The following FBLN5 variants were observed in gnomAD, a reference collection of about 807,000 sequenced individuals.
FBLN5 encodes the protein fibulin 5, also known as fibulin-5.
A neutral mutation model predicts 61.6 loss-of-function variants in FBLN5; 24 were observed. The observed-to-expected ratio is 0.39, with a 90% confidence interval of 0.28 to 0.55. FBLN5 has a LOEUF of 0.55. Among genes scored for constraint, FBLN5 ranks in the 20% least tolerant of loss-of-function variants. The probability of loss-of-function intolerance (pLI) is 0.65; values close to 1 mark genes in which losing one functional copy is unlikely to be tolerated. For missense variants in FBLN5, 470 were observed against 594.1 expected (o/e 0.79, Z 2.17); for synonymous variants, 213 against 219.8 (o/e 0.97, Z 0.27).
intron 3 of FBLN5, 76 bp from the exon 4 acceptor site, chr14:91,937,277 G>T (rs534497684): frequency 1.7e-4 from 266 of 1,590,264 alleles, no homozygotes; most frequent in Non-Finnish European, 1.9e-4. Flanking sequence ...AGCAGAACTC[G>T]GTACCAGGCG....
Position 91,937,176 on chromosome 14 carries a change from G to A in FBLN5, c.150C>T (p.Pro50=), listed in dbSNP as rs762552815. ...ACATCATGTCTCCTCGGCAGGCCTC[G>A]GGGATGGTTCGGCATTCATCAATAT... ...CLDIDECRTI[P]EACRGDMMCV... is the part of the protein sequence containing the mutation. The change falls in exon 4 of 11, where the codon CCC becomes CCT. Residue 50 remains proline, a synonymous_variant. Coordinates refer to ENST00000342058, the MANE Select transcript of FBLN5 (RefSeq NM_006329.4). The A allele has an allele frequency of 3.1e-6, 5 of 1,614,100 alleles. No individual in the cohort carries two copies. The highest frequency in any genetic ancestry group is 2.2e-5 in the East Asian group (1 of 44,888).
Position 91,889,949 on chromosome 14 carries a change from T to A in FBLN5, c.619+1272A>T, listed in dbSNP as rs1595304103. Among the ~76,000 whole-genome samples the A allele has an allele frequency of 2.0e-5, 3 of 152,232 alleles. No homozygotes were observed. In the East Asian group the frequency reaches 5.8e-4, roughly 29 times the overall value. ...AGGTACTGGGGGCACGGTGCCAGCC[T>A]GTGGCTGGCACCTCCAATCCCAGGC... is the stretch of plus-strand genomic sequence containing the variant. On this transcript the variant is annotated intron_variant, in intron 6 of 10. Transcript: ENST00000342058.
chr14:91,945,388 G>A (rs1235087124), intron 1 of FBLN5, among the ~76,000 whole-genome samples: 2 of 152,174 alleles, frequency 1.3e-5, no homozygotes, highest in Admixed American at 1.3e-4. Context: ...TTGAGAACCA[G>A]TTGGGGAGCC....
intron 7 of FBLN5, among the ~76,000 whole-genome samples, chr14:91,884,548 T>A (rs1396210927): frequency 6.6e-6 from 1 of 152,234 alleles, no homozygotes; most frequent in Non-Finnish European, 1.5e-5. Context: ...TCACTCTCCA[T>A]ATTTTACAGA....
At chr14:91,905,732 G>A (rs183380554) in intron 4 of FBLN5, among the ~76,000 whole-genome samples, 17 of 151,146 alleles carry the variant, frequency 1.1e-4, no homozygotes, top group East Asian at 2.0e-4. Flanking sequence ...GGCACATGCC[G>A]CCATGCCCAG....
rs1454421485 is a variant in FBLN5, at chr14:91,870,157, T to G, written c.*67A>C. Reference sequence around the variant, plus strand: ...GTCTGTGTCGCTCTCATTCTCTCTGTTATTTCCTCTCTTCTCCTGTCCCTT... The same window carrying G: ...GTCTGTGTCGCTCTCATTCTCTCTGGTATTTCCTCTCTTCTCCTGTCCCTT... On this transcript the variant is annotated 3_prime_UTR_variant, in exon 11 of 11. Transcript: ENST00000342058. 6.7e-7 allele frequency: 1 copy of G among 1,492,314 alleles called. No individual in the cohort carries two copies. The highest frequency in any genetic ancestry group is 1.4e-5 in the African/African-American group (1 of 72,538). The allele number at this position is 1,492,314 out of a possible 1,614,324, so 92.4% of individuals were successfully genotyped here. A position where few individuals can be genotyped will look rare whatever the true frequency, so the allele number is the denominator to read the frequency against.
chr14:91,944,392 T>G (rs898305028), intron 1 of FBLN5, among the ~76,000 whole-genome samples: 1 of 152,196 alleles, frequency 6.6e-6, no homozygotes, highest in Admixed American at 6.5e-5. Flanking sequence ...GAAAACAGTA[T>G]GATGACTCCC....
intron 4 of FBLN5, among the ~76,000 whole-genome samples, chr14:91,909,899 G>A (rs185875585): frequency 2.0e-5 from 3 of 152,312 alleles, no homozygotes; most frequent in Admixed American, 2.0e-4. Flanking sequence ...GTGTTGGTGA[G>A]GACGTGGAGA....
chr14:91,883,177 CA>C, intron 7 of FBLN5, 101 bp from the exon 8 acceptor site: 1 of 1,369,830 alleles, frequency 7.3e-7, no homozygotes, highest in Non-Finnish European at 1.0e-6. Context: ...TTGATACATA[CA>C]ATGGCTTTAC....
At chr14:91,932,081 G>A (rs191740251) in intron 4 of FBLN5, among the ~76,000 whole-genome samples, 33 of 152,226 alleles carry the variant, frequency 2.2e-4, no homozygotes, top group Non-Finnish European at 2.9e-4. Flanking sequence ...CTGCTTACCC[G>A]TTAACCATGT....
intron 4 of FBLN5, among the ~76,000 whole-genome samples, chr14:91,903,774 G>T (rs181848371): frequency 6.6e-6 from 1 of 152,172 alleles, no homozygotes; most frequent in East Asian, 1.9e-4. Context: ...CAATTGCCAT[G>T]GCCAGGCAGT....
intron 4 of FBLN5, among the ~76,000 whole-genome samples, chr14:91,922,350 A>C (rs531361298): frequency 6.6e-6 from 1 of 151,278 alleles, no homozygotes; most frequent in South Asian, 2.1e-4. Context: ...AAATAAATAA[A>C]TAAATAAAAT....
intron 4 of FBLN5, among the ~76,000 whole-genome samples, chr14:91,909,022 A>G (rs1186117811): frequency 6.6e-6 from 1 of 151,880 alleles, no homozygotes; most frequent in Non-Finnish European, 1.5e-5. Context: ...GGTTCACGCC[A>G]TTCTCCTGCC....
chr14:91,887,005 C>T (rs1312563309), intron 7 of FBLN5, among the ~76,000 whole-genome samples, 188 bp downstream of exon 7: 2 of 152,168 alleles, frequency 1.3e-5, no homozygotes. Flanking sequence ...GATGAGACTC[C>T]ACCTCACCTT....
chr14:91,930,458 C>A (rs540196778), intron 4 of FBLN5, among the ~76,000 whole-genome samples: 3 of 152,166 alleles, frequency 2.0e-5, no homozygotes, highest in Non-Finnish European at 1.5e-5. Context: ...CACCTCAATG[C>A]GATCCCATTT....
intron 10 of FBLN5, among the ~76,000 whole-genome samples, chr14:91,870,704 T>C (rs1326519716): frequency 2.0e-5 from 3 of 152,254 alleles, no homozygotes; most frequent in Admixed American, 6.5e-5. Flanking sequence ...TGATTGTCCA[T>C]ACTGTCTACC....
chr14:91,942,848 A>C, intron 2 of FBLN5, 59 bp downstream of exon 2: 1 of 1,110,990 alleles, frequency 9.0e-7, no homozygotes, highest in Non-Finnish European at 1.3e-6. Context: ...GCAAGGCTGG[A>C]CTCCCTCACC....
At chr14:91,891,004 G>T (rs1889969420) in intron 6 of FBLN5, among the ~76,000 whole-genome samples, 1 of 152,164 alleles carries the variant, frequency 6.6e-6, no homozygotes, top group South Asian at 2.1e-4. Context: ...GAGGATTGGG[G>T]TCCTACCCTC....
chr14:91,874,556 C>T lies in FBLN5; in HGVS notation c.1185+2931G>A, dbSNP rs532713120. ...CTTATTAGTTGTGAGACTAGTCGGG[C>T]AGGTTGCTTAGCTCTGTGCCTCAGT... On this transcript the variant is annotated intron_variant, in intron 10 of 10. Transcript: ENST00000342058. 5 of 152,258 alleles carry T rather than the reference C, an allele frequency of 3.3e-5. No individual in the cohort carries two copies. In the East Asian group the frequency reaches 7.7e-4, roughly 24 times the overall value. The allele number at this position is 152,258 out of a possible 1,614,324, so 9.4% of individuals were successfully genotyped here.
Sources: allele counts gnomAD v4.1 joint callset (sites outside exome capture counted in the v4.1 genomes callset), GRCh38; gene constraint gnomAD v4.1.1; transcripts MANE v1.5; gene names NCBI Gene and HGNC (gene_info 2026-07-23, HGNC 2026-07-21).